Variants in ZFHX3 observed in about 807,000 individuals in gnomAD.
ZFHX3 encodes the protein zinc finger homeobox protein 3.
In ZFHX3, 42 loss-of-function variants were observed where a neutral mutation model predicts 279.1. The observed-to-expected ratio is 0.15, with a 90% confidence interval of 0.12 to 0.19. The LOEUF (loss-of-function observed/expected upper bound fraction) is 0.19, where lower values mean the gene tolerates loss of function less well. ZFHX3 is among the 10% of genes least tolerant of loss of function. The pLI is 1.00. For missense variants in ZFHX3, 4,981 were observed against 4,754.0 expected (o/e 1.05, Z -1.40); for synonymous variants, 2,293 against 1,957.8 (o/e 1.17, Z -4.52).
At chr16:73,692,066 G>T (rs1175456958) in intron 1 of ZFHX3, among the ~76,000 whole-genome samples, 1 of 152,182 alleles carries the variant, frequency 6.6e-6, no homozygotes, top group Non-Finnish European at 1.5e-5. Flanking sequence ...CAATGTCACT[G>T]CTTTGTCTGA....
intron 1 of ZFHX3, among the ~76,000 whole-genome samples, chr16:73,858,427 G>A (rs772607249): frequency 3.9e-5 from 6 of 152,142 alleles, no homozygotes; most frequent in Admixed American, 6.5e-5. Flanking sequence ...ACAATGGCCC[G>A]AGCTGAGTTC....
chr16:72,949,671 G>T (rs1597001960), intron 3 of ZFHX3, among the ~76,000 whole-genome samples: 1 of 151,758 alleles, frequency 6.6e-6, no homozygotes, highest in Non-Finnish European at 1.5e-5. Context: ...AGAGGAAGAG[G>T]GGGAGGATGG....
At chr16:73,452,923 T>G (rs1449096684) in intron 3 of ZFHX3, among the ~76,000 whole-genome samples, 1 of 152,224 alleles carries the variant, frequency 6.6e-6, no homozygotes, top group Non-Finnish European at 1.5e-5. Flanking sequence ...AAATCTCTCT[T>G]TCTCAAAGAG....
intron 4 of ZFHX3, among the ~76,000 whole-genome samples, chr16:72,878,666 A>G (rs1033261683): frequency 6.6e-6 from 1 of 152,210 alleles, no homozygotes; most frequent in Non-Finnish European, 1.5e-5. Flanking sequence ...ATCTAGACAC[A>G]AAGAATCCCA....
intron 3 of ZFHX3, among the ~76,000 whole-genome samples, chr16:72,929,534 G>A (rs911082111): frequency 1.3e-5 from 2 of 152,168 alleles, no homozygotes; most frequent in Non-Finnish European, 2.9e-5. Context: ...GTAGAAATAA[G>A]ACTATTTGGC....
intron 2 of ZFHX3, among the ~76,000 whole-genome samples, chr16:73,599,299 T>A (rs529563135): frequency 6.6e-6 from 1 of 152,338 alleles, no homozygotes; most frequent in South Asian, 2.1e-4. Context: ...GTCTCTTCCA[T>A]CAGTGTGGAT....
chr16:73,182,382 G>C (rs1022811520), intron 5 of ZFHX3, among the ~76,000 whole-genome samples: 2 of 152,078 alleles, frequency 1.3e-5, no homozygotes, highest in African/African-American at 4.8e-5. Flanking sequence ...GCTTGAACCT[G>C]GGAGGCAGAG....
chr16:73,374,200 G>T (rs777692453), intron 3 of ZFHX3, among the ~76,000 whole-genome samples: 9 of 152,148 alleles, frequency 5.9e-5, no homozygotes, highest in Non-Finnish European at 1.2e-4. Context: ...AGAATGACAT[G>T]TTTGGAATTT....
chr16:72,794,350 T>C lies in ZFHX3; in HGVS notation c.8332A>G (p.Ser2778Gly), dbSNP rs1222330561. Residue 2778 changes from serine (S) to glycine (G), a missense_variant, in exon 9 of 10, where the codon AGT becomes GGT. Transcript: ENST00000268489. This position sits in a 1 kb window ranked among gnomAD's most constrained non-coding sequence, Gnocchi z 4.2. ...TSFSHLPPSS[S>G]DGQGVPLSPV... is the part of the protein sequence containing the mutation. Reference sequence around the variant, plus strand: ...GAGAGGGGGACACCCTGACCATCACTACTGCTTGGGGGTAGGTGGGAAAAG... The same window carrying C: ...GAGAGGGGGACACCCTGACCATCACCACTGCTTGGGGGTAGGTGGGAAAAG... The C allele has an allele frequency of 4.4e-6, 7 of 1,603,270 alleles. No homozygotes were observed. The highest frequency in any genetic ancestry group is 6.0e-6 in the Non-Finnish European group (7 of 1,174,258).
At chr16:73,889,857 T>G (rs2030471369) in intron 1 of ZFHX3, among the ~76,000 whole-genome samples, 1 of 152,322 alleles carries the variant, frequency 6.6e-6, no homozygotes, top group African/African-American at 2.4e-5. Flanking sequence ...TTTCCATTTG[T>G]GTATTATTCT....
chr16:73,866,619 G>A (rs1386966201), intron 1 of ZFHX3, among the ~76,000 whole-genome samples: 1 of 152,118 alleles, frequency 6.6e-6, no homozygotes, highest in Admixed American at 6.6e-5. Context: ...AAAAAGAAAA[G>A]AAGAAAAATG....
chr16:72,877,935 A>G (rs2038358989), intron 4 of ZFHX3, among the ~76,000 whole-genome samples: 1 of 152,228 alleles, frequency 6.6e-6, no homozygotes, highest in Non-Finnish European at 1.5e-5. Flanking sequence ...AAACCTGAAC[A>G]GGGCAAGTCA....
At chr16:73,886,709 G>T (rs1014283264) in intron 1 of ZFHX3, among the ~76,000 whole-genome samples, 7 of 152,206 alleles carry the variant, frequency 4.6e-5, no homozygotes, top group Non-Finnish European at 1.0e-4. Flanking sequence ...GTTTTGTGGA[G>T]AAATGGCACA....
intron 7 of ZFHX3, among the ~76,000 whole-genome samples, chr16:73,105,468 C>A (rs1966292129): frequency 1.5e-5 from 2 of 131,234 alleles, no homozygotes; most frequent in South Asian, 2.5e-4. Flanking sequence ...TTTTTTCCCC[C>A]AGGCCAGGCG....
chr16:73,594,633 C>T (rs985856373), intron 2 of ZFHX3, among the ~76,000 whole-genome samples: 2 of 152,074 alleles, frequency 1.3e-5, no homozygotes, highest in African/African-American at 4.8e-5. Context: ...GAATATAGAG[C>T]TCTAGATAGG....
In ZFHX3 at chr16:72,959,862, A is replaced by G. The variant is rs1364863490; in HGVS notation, c.284T>C (p.Met95Thr). ...GCGCGCGCTGGGGCAGTGGTGCTCC[A>G]TGTAGGTCTGGAGGCTGGCAAAGGA... ...SASFASLQTY[M>T]EHHCPSARPP... Residue 95 changes from methionine to threonine, a missense_variant, in exon 2 of 10, where the codon ATG becomes ACG. By Grantham distance (81) the Met-to-Thr change is moderately conservative. Transcript: ENST00000268489. The G allele has an allele frequency of 6.2e-7, 1 of 1,602,578 alleles. No individual in the cohort carries two copies. Among genetic ancestry groups the G allele is most frequent in the African/African-American group, 1.3e-5 (1 of 74,842 alleles).
intron 2 of ZFHX3, among the ~76,000 whole-genome samples, chr16:72,956,016 A>G (rs187747229): frequency 2.0e-5 from 3 of 152,380 alleles, no homozygotes. Context: ...TGCATCCACA[A>G]TTAGCCAGTT....
At chr16:73,222,730 T>C (rs772543812) in intron 5 of ZFHX3, among the ~76,000 whole-genome samples, 7 of 152,096 alleles carry the variant, frequency 4.6e-5, no homozygotes, top group Admixed American at 6.5e-5. Flanking sequence ...CTAAAGTTTA[T>C]ATGAAGATGC....
chr16:73,366,123 T>C (rs1407203396), intron 3 of ZFHX3, among the ~76,000 whole-genome samples: 1 of 152,190 alleles, frequency 6.6e-6, no homozygotes, highest in African/African-American at 2.4e-5. Context: ...ATCACTAGGA[T>C]ACTTTAAAAG....
Sources: allele counts gnomAD v4.1 joint callset (sites outside exome capture counted in the v4.1 genomes callset), GRCh38; gene constraint gnomAD v4.1.1; non-coding constraint Gnocchi (gnomAD v3.1); transcripts MANE v1.5; gene names NCBI Gene and HGNC (gene_info 2026-07-23, HGNC 2026-07-21).